Variants in ONECUT2 observed in about 807,000 individuals in gnomAD.
The protein encoded by ONECUT2 is one cut domain family member 2.
Under a neutral mutation model 27.9 loss-of-function variants are expected in ONECUT2, and 10 were observed. That is an observed-to-expected ratio of 0.36 (90% CI 0.22 to 0.61). The LOEUF is 0.61. Ranked by LOEUF, ONECUT2 falls within the 20% of genes least tolerant of loss-of-function variation. The pLI, the probability that ONECUT2 is intolerant of heterozygous loss-of-function variation, is 0.73. For synonymous variants in ONECUT2, 334 were observed against 315.1 expected (o/e 1.06, Z -0.64); for missense variants, 686 against 721.0 (o/e 0.95, Z 0.56).
Position 57,436,491 on chromosome 18 carries a change from A to G in ONECUT2, c.775A>G (p.Ser259Gly). The stretch of plus-strand genomic sequence containing the variant: ...TCCGCCGGGCCACGACAAAATGCTC[A>G]GCCCCAACTTCGACGCGCACCACAC... ...YGPPGHDKML[S>G]PNFDAHHTAM... The change falls in exon 1 of 2, where the codon AGC becomes GGC. Residue 259 changes from serine (S) to glycine (G), a missense_variant. Around this residue, in one of 4 missense-constraint regions of ONECUT2, gnomAD observed 511 missense variants for 488.1 expected, o/e 1.05. Transcript: ENST00000491143. The surrounding 1 kb of genome is among the most constrained non-coding windows in gnomAD (Gnocchi z 5.9). 1.2e-6 allele frequency: 2 copies of G among 1,613,402 alleles called. No individual in the cohort carries two copies. The highest frequency in any genetic ancestry group is 1.1e-5 in the South Asian group (1 of 91,062).
At chr18:57,463,802 G>A (rs369376106) in intron 1 of ONECUT2, among the ~76,000 whole-genome samples, 4 of 152,024 alleles carry the variant, frequency 2.6e-5, no homozygotes, top group East Asian at 3.8e-4. Context: ...CTACTGACTT[G>A]AGTCTTAGAA....
rs1337121172 is a variant in ONECUT2, at chr18:57,486,285, T to C, written c.*9562T>C. 4 of 152,658 alleles carry C rather than the reference T, an allele frequency of 2.6e-5. No homozygotes were observed. Among genetic ancestry groups the C allele is most frequent in the South Asian group, 2.1e-4 (1 of 4,826 alleles). The allele number at this position is 152,658 out of a possible 1,614,324, so 9.5% of individuals were successfully genotyped here. A position where few individuals can be genotyped will look rare whatever the true frequency, so the allele number is the denominator to read the frequency against. On this transcript the variant is annotated 3_prime_UTR_variant, in exon 2 of 2. Transcript: ENST00000491143. ...TAATTCTTCCTGTGAATACCTCAGCTTCAACTGGGCCTCCATACAGTCAGT... is the reference window on the plus strand; with the variant it reads ...TAATTCTTCCTGTGAATACCTCAGCCTCAACTGGGCCTCCATACAGTCAGT...
chr18:57,456,579 AG>A lies in ONECUT2; in HGVS notation c.1228+19637del, dbSNP rs1440369858. On this transcript the variant is annotated intron_variant, in intron 1 of 1. Transcript: ENST00000491143. ...AACGGAAAGTACAATGGTGCTTGCCAGGTGCCTGAGAGAGGGAAATGGAAAC... is the reference window on the plus strand; with the variant it reads ...AACGGAAAGTACAATGGTGCTTGCCAGTGCCTGAGAGAGGGAAATGGAAAC... Among the ~76,000 whole-genome samples, 5 of 152,348 alleles carry A rather than the reference AG, an allele frequency of 3.3e-5. No individual in the cohort carries two copies. The East Asian group carries it at 7.7e-4, about 23-fold the overall frequency.
intron 1 of ONECUT2, among the ~76,000 whole-genome samples, chr18:57,438,127 T>C (rs2050153660): frequency 6.6e-6 from 1 of 152,226 alleles, no homozygotes; most frequent in Admixed American, 6.5e-5. Context: ...ATGCAGTAGT[T>C]ACTGCGACTG....
chr18:57,459,089 T>C (rs1453366160), intron 1 of ONECUT2, among the ~76,000 whole-genome samples: 1 of 152,198 alleles, frequency 6.6e-6, no homozygotes, highest in Non-Finnish European at 1.5e-5. Flanking sequence ...AATTTTTGCT[T>C]TACAAATTAC....
intron 1 of ONECUT2, among the ~76,000 whole-genome samples, chr18:57,475,056 ATT>A (rs33961491): frequency 1.6e-5 from 2 of 125,536 alleles, no homozygotes; most frequent in African/African-American, 6.2e-5. Context: ...ATTTCAAGTG[ATT>A]TTTTTTTTTT....
intron 1 of ONECUT2, chr18:57,444,455 G>T: frequency 4.4e-6 from 2 of 456,514 alleles, no homozygotes; most frequent in Non-Finnish European, 8.8e-6. Context: ...CCTTTTAAGG[G>T]TGATTGGCAG....
At position 57,436,241 on chromosome 18, in the gene ONECUT2, T is replaced by G; in HGVS notation, c.525T>G (p.His175Gln). Residue 175 changes from histidine to glutamine, a missense_variant, in exon 1 of 2, where the codon CAT becomes CAG. His to Gln is a conservative substitution (Grantham distance 24). Transcript: ENST00000491143. This position sits in a 1 kb window ranked among gnomAD's most constrained non-coding sequence, Gnocchi z 5.9. ...TCCACCACCCTCACCCGCACCACCA[T>G]CCGCACCACCACCACCACCACCACC... ...DKFHHPHPHH[H>Q]PHHHHHHHHQ... The G allele has an allele frequency of 6.2e-7, 1 of 1,602,156 alleles. No homozygotes were observed. The highest frequency in any genetic ancestry group is 8.5e-7 in the Non-Finnish European group (1 of 1,177,116).
intron 1 of ONECUT2, among the ~76,000 whole-genome samples, chr18:57,444,758 A>G (rs1194155322): frequency 6.6e-6 from 1 of 152,198 alleles, no homozygotes; most frequent in Non-Finnish European, 1.5e-5. Flanking sequence ...GAAACCACAT[A>G]GTTAAAGACC....
intron 1 of ONECUT2, among the ~76,000 whole-genome samples, chr18:57,475,222 A>AT (rs764045070): frequency 5.9e-5 from 9 of 151,620 alleles, no homozygotes; most frequent in African/African-American, 1.7e-4. Flanking sequence ...ATGCCCAGCT[A>AT]TTTTTTTGTA....
intron 1 of ONECUT2, among the ~76,000 whole-genome samples, chr18:57,453,708 C>T (rs911916568): frequency 6.6e-6 from 1 of 152,196 alleles, no homozygotes. Flanking sequence ...TTTACAGACT[C>T]GCAGTCCAGC....
chr18:57,467,412 C>T (rs1026673283), intron 1 of ONECUT2, among the ~76,000 whole-genome samples: 30 of 152,004 alleles, frequency 2.0e-4, no homozygotes, highest in Middle Eastern at 3.4e-3. Flanking sequence ...GTCACCCAGG[C>T]GGGAGCGCAA....
At position 57,452,963 on chromosome 18, in the gene ONECUT2, G is replaced by A. The variant is rs116005443; in HGVS notation, c.1228+16019G>A. On this transcript the variant is annotated intron_variant, in intron 1 of 1. Transcript: ENST00000491143. The stretch of plus-strand genomic sequence containing the variant: ...ATATCAAAAAGATCAAAATGTTTGC[G>A]CATTTATAACTTTAACAATGTCTAA... Among the ~76,000 whole-genome samples the A allele has an allele frequency of 7.2e-3, 1,102 of 152,252 alleles. 14 individuals are homozygous for A. Among genetic ancestry groups the A allele is most frequent in the African/African-American group, 0.024 (978 of 41,550 alleles).
chr18:57,472,314 G>T (rs189986334), intron 1 of ONECUT2, among the ~76,000 whole-genome samples: 2 of 152,274 alleles, frequency 1.3e-5, no homozygotes, highest in Non-Finnish European at 2.9e-5. Flanking sequence ...CACAGCCCGG[G>T]TCTGAGGATG....
intron 1 of ONECUT2, among the ~76,000 whole-genome samples, chr18:57,470,040 A>G (rs1178392772): frequency 6.6e-6 from 1 of 152,230 alleles, no homozygotes; most frequent in African/African-American, 2.4e-5. Flanking sequence ...AATGCTGCAA[A>G]ACACAGAACC....
At chr18:57,467,010 C>A (rs1429171900) in intron 1 of ONECUT2, 1 of 360,290 alleles carries the variant, frequency 2.8e-6, no homozygotes, top group Non-Finnish European at 5.5e-6. Context: ...GGGAGATCTG[C>A]CCACCAGGGG....
chr18:57,471,935 A>G (rs1056291786), intron 1 of ONECUT2, among the ~76,000 whole-genome samples: 12 of 152,160 alleles, frequency 7.9e-5, no homozygotes, highest in African/African-American at 2.9e-4. Flanking sequence ...CCACCTCCCC[A>G]TCAGGCAGTG....
In ONECUT2 at chr18:57,484,113, G is replaced by C. The variant is rs2050428249; in HGVS notation, c.*7390G>C. The C allele has an allele frequency of 6.6e-6, 1 of 152,072 alleles. No individual in the cohort carries two copies. The highest frequency in any genetic ancestry group is 6.6e-5 in the Admixed American group (1 of 15,234). 9.4% of individuals were successfully genotyped at this position (152,072 alleles called of 1,614,324 possible). On this transcript the variant is annotated 3_prime_UTR_variant, in exon 2 of 2. Coordinates refer to ENST00000491143, the MANE Select transcript of ONECUT2 (RefSeq NM_004852.3). ...ATTTTAAAAAAATCGTAAACAAAAA[G>C]AGAGAAACCCTTACACTAGCTGCTT...
chr18:57,471,521 T>A (rs1043632551), intron 1 of ONECUT2, among the ~76,000 whole-genome samples: 1 of 152,148 alleles, frequency 6.6e-6, no homozygotes, highest in Non-Finnish European at 1.5e-5. Context: ...GAGAAGCAAG[T>A]TGGTGTCTGA....
Sources: gnomAD v4.1 joint callset for allele counts (sites outside exome capture counted in the v4.1 genomes callset) on GRCh38, gnomAD v4.1.1 for gene constraint, gnomAD v4.1.1 regional missense constraint, Gnocchi (gnomAD v3.1) non-coding constraint, MANE v1.5 for transcripts, NCBI Gene and HGNC (gene_info 2026-07-23, HGNC 2026-07-21) for gene names.